Variants in QRICH2 observed in about 807,000 individuals in gnomAD.
QRICH2 encodes glutamine rich 2, also known as glutamine-rich protein 2.
QRICH2 carries 119 observed loss-of-function variants against 168.3 expected under a neutral mutation model. The observed-to-expected ratio is 0.71, with a 90% CI of 0.61 to 0.82. QRICH2 has a LOEUF of 0.82. QRICH2 is among the 40% of genes least tolerant of loss of function. QRICH2 has a pLI of 0.00. For synonymous variants in QRICH2, 894 were observed against 951.2 expected (o/e 0.94, Z 1.11); for missense variants, 2,241 against 2,491.6 (o/e 0.90, Z 2.14).
chr17:76,278,058 G>A lies in QRICH2; in HGVS notation c.5048C>T (p.Thr1683Ile), dbSNP rs1227574482. ...EKVQIHFGGS[T>I]KASSQIIREL... ...GCGGATTATCTGGCTGCTGGCCTTG[G>A]TGGAGCCCCCGAAGTGGATCTGCAC... Residue 1683 changes from threonine to isoleucine, a missense_variant, in exon 15 of 19, where the codon ACC becomes ATC. Around this residue, in one of 3 missense-constraint regions of QRICH2, gnomAD observed 2,047 missense variants for 2,303.8 expected, o/e 0.89. Transcript: ENST00000680821. The A allele has an allele frequency of 1.9e-6, 3 of 1,613,826 alleles. No individual in the cohort carries two copies. Among genetic ancestry groups the A allele is most frequent in the Non-Finnish European group, 2.5e-6 (3 of 1,180,050 alleles).
In QRICH2 at chr17:76,307,636, G is replaced by A. The variant is rs971210967; in HGVS notation, c.363C>T (p.Asp121=). Residue 121 remains aspartate (D), a synonymous_variant, in exon 1 of 19, where the codon GAC becomes GAT. Coordinates refer to ENST00000680821, the MANE Select transcript of QRICH2 (RefSeq NM_001388453.1). This position sits in a 1 kb window ranked among gnomAD's most constrained non-coding sequence, Gnocchi z 5.3. ...GCGTGGCGATGCCCTGCACCTGGCCGTCCACACGCTTGAGCTGCTTGCTCA... is the reference window on the plus strand; with the variant it reads ...GCGTGGCGATGCCCTGCACCTGGCCATCCACACGCTTGAGCTGCTTGCTCA... ...EDLSKQLKRV[D]GQVQGIATHV... is the part of the protein sequence containing the mutation. 13 of 1,503,496 alleles carry A rather than the reference G, an allele frequency of 8.6e-6. No homozygotes were observed. The South Asian group carries it at 1.2e-4, about 14-fold the overall frequency. The allele number at this position is 1,503,496 out of a possible 1,614,324, so 93.1% of individuals were successfully genotyped here.
chr17:76,295,021 A>T (rs951449996), intron 3 of QRICH2, among the ~76,000 whole-genome samples: 2 of 151,124 alleles, frequency 1.3e-5, no homozygotes, highest in African/African-American at 4.9e-5. Flanking sequence ...CACAAGGTCA[A>T]GAGATTGAGA....
At chr17:76,308,548 A>G, upstream of QRICH2, 1 of 954,662 alleles carries the variant, frequency 1.0e-6, no homozygotes, top group Non-Finnish European at 1.2e-6. Context: ...CGTCCATTCC[A>G]GAGTGGTGGC....
At position 76,308,032 on chromosome 17, in the gene QRICH2, C is replaced by G; in HGVS notation, c.-34G>C. ...TCAGGAGCTGTGCGCCGCCGCGGGG[C>G]GCCGGCCAACCACTTCCCGCTCACT... On this transcript the variant is annotated 5_prime_UTR_variant, in exon 1 of 19. Coordinates refer to ENST00000680821, the MANE Select transcript of QRICH2 (RefSeq NM_001388453.1). 1 of 1,231,502 alleles carries G rather than the reference C, an allele frequency of 8.1e-7. No homozygotes were observed. Among genetic ancestry groups the G allele is most frequent in the Non-Finnish European group, 1.0e-6 (1 of 987,556 alleles). The allele number at this position is 1,231,502 out of a possible 1,614,324, so 76.3% of individuals were successfully genotyped here.
At chr17:76,276,015 G>C in intron 17 of QRICH2, 68 bp from the exon 18 acceptor site, 7 of 1,569,662 alleles carry the variant, frequency 4.5e-6, no homozygotes, top group Non-Finnish European at 4.3e-6. Flanking sequence ...AACCCCTGGG[G>C]GTGGGGAGAG....
intron 17 of QRICH2, 41 bp downstream of exon 17, chr17:76,276,639 G>A (rs1427608328): frequency 1.3e-6 from 2 of 1,509,130 alleles, no homozygotes; most frequent in Non-Finnish European, 1.8e-6. Context: ...CGCCCTGTGG[G>A]ACCCACGTGA....
At chr17:76,274,359 G>A (rs1303035938) in intron 18 of QRICH2, 99 bp from the exon 19 acceptor site, 3 of 1,278,554 alleles carry the variant, frequency 2.3e-6, no homozygotes, top group Non-Finnish European at 3.2e-6. Context: ...GAGCAGTTCT[G>A]TTCGCCATGC....
intron 14 of QRICH2, among the ~76,000 whole-genome samples, chr17:76,278,776 C>T (rs976457087): frequency 7.2e-5 from 11 of 152,356 alleles, no homozygotes; most frequent in South Asian, 2.1e-4. Flanking sequence ...GCGCCCTTGA[C>T]GAAGTCCCAC....
At chr17:76,309,419 A>C (rs2143432484), upstream of QRICH2, 1 of 152,198 alleles carries the variant, frequency 6.6e-6, no homozygotes, top group Non-Finnish European at 1.5e-5. Flanking sequence ...GCTTGAGCTC[A>C]TTACAAAGCA....
intron 3 of QRICH2, among the ~76,000 whole-genome samples, chr17:76,299,384 C>T (rs774424115): frequency 6.6e-6 from 1 of 152,080 alleles, no homozygotes; most frequent in Non-Finnish European, 1.5e-5. Flanking sequence ...AACCTGGGAT[C>T]TCCAGGACCA....
At chr17:76,274,878 A>G (rs2070645671) in intron 18 of QRICH2, among the ~76,000 whole-genome samples, 3 of 152,096 alleles carry the variant, frequency 2.0e-5, no homozygotes, top group Admixed American at 2.0e-4. Flanking sequence ...AACGGCCCCT[A>G]CCTCTAAGTG....
Position 76,281,772 on chromosome 17 carries a change from ACCCGC to A in QRICH2, c.4263+87_4263+91del, listed in dbSNP as rs1361755660. 6.6e-7 allele frequency: 1 copy of A among 1,518,428 alleles called. No individual in the cohort carries two copies. The highest frequency in any genetic ancestry group is 9.0e-7 in the Non-Finnish European group (1 of 1,114,144). The allele number at this position is 1,518,428 out of a possible 1,614,324, so 94.1% of individuals were successfully genotyped here. A position where few individuals can be genotyped will look rare whatever the true frequency, so the allele number is the denominator to read the frequency against. On this transcript the variant is annotated intron_variant, in intron 8 of 18. Transcript: ENST00000680821. This position sits in a 1 kb window ranked among gnomAD's most constrained non-coding sequence, Gnocchi z 4.4. ...GGAGAGCTGACCTTGAGGCCCAAAC[ACCCGC>A]CCCACTTCTGTGGGTCTGCAGCAGG...
intron 3 of QRICH2, among the ~76,000 whole-genome samples, chr17:76,296,562 G>A (rs780115246): frequency 2.0e-5 from 3 of 152,096 alleles, no homozygotes; most frequent in Admixed American, 6.6e-5. Flanking sequence ...TGGATTACCC[G>A]AGGTTAGCAG....
chr17:76,293,885 G>C lies in QRICH2; in HGVS notation c.842C>G (p.Pro281Arg), dbSNP rs140131210. The change falls in exon 4 of 19, where the codon CCG becomes CGG. Residue 281 changes from proline (P) to arginine (R), a missense_variant. Pro to Arg is a moderately radical substitution (Grantham distance 103). Coordinates refer to ENST00000680821, the MANE Select transcript of QRICH2 (RefSeq NM_001388453.1). ...ACCAGATCCTGATGCAGTCCGATCC[G>C]GGCCAAGACCACTGGCAGAATCCAG... ...QALDSASGLG[P>R]DRTASGSGGT... is the part of the protein sequence containing the mutation. 2 of 1,614,158 alleles carry C rather than the reference G, an allele frequency of 1.2e-6. No homozygotes were observed. The highest frequency in any genetic ancestry group is 1.7e-6 in the Non-Finnish European group (2 of 1,180,044).
chr17:76,284,052 C>T (rs957392040), intron 7 of QRICH2, among the ~76,000 whole-genome samples: 1 of 139,080 alleles, frequency 7.2e-6, no homozygotes, highest in African/African-American at 3.3e-5. Context: ...CCTGTAGTCC[C>T]AGCTACCCAG....
intron 1 of QRICH2, 43 bp from the exon 2 acceptor site, chr17:76,304,984 C>A (rs1422084528): frequency 7.4e-7 from 1 of 1,343,260 alleles, no homozygotes; most frequent in Admixed American, 1.7e-5. Context: ...GTGGCCCCTA[C>A]ACACGCACAC....
chr17:76,291,324 G>C lies in QRICH2; in HGVS notation c.3403C>G (p.Arg1135Gly). 6.2e-7 allele frequency: 1 copy of C among 1,614,138 alleles called. No individual in the cohort carries two copies. The highest frequency in any genetic ancestry group is 8.5e-7 in the Non-Finnish European group (1 of 1,180,034). Residue 1135 changes from arginine (R) to glycine (G), a missense_variant, in exon 4 of 19, where the codon CGA (arginine) becomes GGA (glycine). Physicochemically the swap from Arg to Gly is moderately radical, Grantham distance 125. Coordinates refer to ENST00000680821, the MANE Select transcript of QRICH2 (RefSeq NM_001388453.1). ...GQEGLDPNRTRASDRHGIPAQ... is the reference protein window; with the variant it reads ...GQEGLDPNRTGASDRHGIPAQ... ...GGAATTCCATGTCGGTCCGAGGCTC[G>C]TGTTCTATTTGGATCCAAACCTTCC...
chr17:76,304,676 G>A (rs2070961498), intron 2 of QRICH2, 151 bp from the exon 3 acceptor site: 1 of 736,310 alleles, frequency 1.4e-6, no homozygotes, highest in Non-Finnish European at 2.4e-6. Context: ...AGTGAAGGTT[G>A]GGCAGCCAGT....
rs1230086466 is a variant in QRICH2, at chr17:76,285,367, C to T, written c.4011+1825G>A. On this transcript the variant is annotated intron_variant, in intron 7 of 18. Transcript: ENST00000680821. ...CAGGCTGGTCTCGAACTCCTGACCTCGTGATCCACCCGTCTGGGCCTCCCA... is the reference window on the plus strand; with the variant it reads ...CAGGCTGGTCTCGAACTCCTGACCTTGTGATCCACCCGTCTGGGCCTCCCA... Among the ~76,000 whole-genome samples the T allele has an allele frequency of 3.3e-5, 5 of 151,774 alleles. 1 individual carries two copies. Among genetic ancestry groups the T allele is most frequent in the African/African-American group, 1.2e-4 (5 of 41,420 alleles).
Sources: allele counts gnomAD v4.1 joint callset (sites outside exome capture counted in the v4.1 genomes callset), GRCh38; gene constraint gnomAD v4.1.1; regional missense constraint gnomAD v4.1.1; non-coding constraint Gnocchi (gnomAD v3.1); transcripts MANE v1.5; gene names NCBI Gene and HGNC (gene_info 2026-07-23, HGNC 2026-07-21).